The following ZDHHC2 variants were observed in gnomAD, a reference collection of about 807,000 sequenced individuals.
ZDHHC2 encodes the protein zDHHC palmitoyltransferase 2.
A neutral mutation model predicts 55.6 loss-of-function variants in ZDHHC2; 51 were observed. The observed-to-expected ratio is 0.92, with a 90% CI of 0.73 to 1.16. The LOEUF is 1.16. Ranked by LOEUF, ZDHHC2 falls within the 50% of genes most tolerant of loss-of-function variation. The pLI, the probability that ZDHHC2 is intolerant of heterozygous loss-of-function variation, is 0.00. For synonymous variants in ZDHHC2, 199 were observed against 152.9 expected (o/e 1.30, Z -2.22); for missense variants, 491 against 442.4 (o/e 1.11, Z -0.99).
At chr8:17,176,466 C>G (rs575952817) in intron 1 of ZDHHC2, among the ~76,000 whole-genome samples, 20 of 152,014 alleles carry the variant, frequency 1.3e-4, no homozygotes, top group African/African-American at 4.6e-4. Context: ...GATTTTTTCA[C>G]CGAGAATACA....
At position 17,188,786 on chromosome 8, in the gene ZDHHC2, G is replaced by C. The variant is rs1237590250; in HGVS notation, c.252+2361G>C. Among the ~76,000 whole-genome samples the C allele has an allele frequency of 3.9e-5, 6 of 152,206 alleles. No individual in the cohort carries two copies. The East Asian group carries it at 1.2e-3, about 29-fold the overall frequency. ...ATTTGACATCTAATAGAAATTTCAG[G>C]TTCAACACAACTGAAAACAAACTTC... On this transcript the variant is annotated intron_variant, in intron 3 of 12. Coordinates refer to ENST00000262096, the MANE Select transcript of ZDHHC2 (RefSeq NM_016353.5).
chr8:17,208,089 T>C lies in ZDHHC2; in HGVS notation c.727T>C (p.Leu243=), dbSNP rs577028555. 20 of 1,564,020 alleles carry C rather than the reference T, an allele frequency of 1.3e-5. No individual in the cohort carries two copies. The Admixed American group carries it at 1.9e-4, about 15-fold the overall frequency. The change falls in exon 8 of 13, where the codon TTA becomes CTA. Residue 243 remains leucine, a synonymous_variant. Transcript: ENST00000262096. ...CWLVSKNKST[L]EAFRSPVFRH... is the part of the protein sequence containing the mutation. Reference sequence around the variant, plus strand: ...GCTAGTCAGCAAAAATAAATCTACATTAGGTGAGTATCCAATTATTGTAGT... The same window carrying C: ...GCTAGTCAGCAAAAATAAATCTACACTAGGTGAGTATCCAATTATTGTAGT...
At chr8:17,202,954 A>C (rs573029383) in intron 6 of ZDHHC2, among the ~76,000 whole-genome samples, 10 of 152,140 alleles carry the variant, frequency 6.6e-5, no homozygotes, top group African/African-American at 9.7e-5. Context: ...TTATTATTTA[A>C]TTCAAGAGCT....
chr8:17,214,802 C>G lies in ZDHHC2; in HGVS notation c.951-435C>G, dbSNP rs146720477. Among the ~76,000 whole-genome samples, 257 of 152,092 alleles carry G rather than the reference C, an allele frequency of 1.7e-3. 1 individual carries two copies. The highest frequency in any genetic ancestry group is 5.8e-3 in the African/African-American group (241 of 41,496). On this transcript the variant is annotated intron_variant, in intron 10 of 12. Coordinates refer to ENST00000262096, the MANE Select transcript of ZDHHC2 (RefSeq NM_016353.5). ...GGTGTGGTCCCAGCTACTCGGGAGG[C>G]TGAAGGAGGAGGATTGATTTGAGCG...
Position 17,194,327 on chromosome 8 carries a change from A to AAAATATAT in ZDHHC2, c.253-1159_253-1152dup, listed in dbSNP as rs569357315. Among the ~76,000 whole-genome samples, 749 of 146,002 alleles carry AAAATATAT rather than the reference A, an allele frequency of 5.1e-3. 9 individuals are homozygous for AAAATATAT. The highest frequency in any genetic ancestry group is 0.017 in the African/African-American group (677 of 39,240). On this transcript the variant is annotated intron_variant, in intron 3 of 12. Transcript: ENST00000262096. Reference sequence around the variant, plus strand: ...TTTATACATATTTTTGTATATATACAAAATATATAAATATATAAATATATA... The same window carrying AAAATATAT: ...TTTATACATATTTTTGTATATATACAAAATATATAAATATATAAATATATAAATATATA...
Position 17,220,836 on chromosome 8 carries a change from C to T in ZDHHC2, c.*615C>T, listed in dbSNP as rs1563174916. 1 of 152,076 alleles carries T rather than the reference C, an allele frequency of 6.6e-6. No individual in the cohort carries two copies. Among genetic ancestry groups the T allele is most frequent in the Admixed American group, 6.6e-5 (1 of 15,238 alleles). 9.4% of individuals were successfully genotyped at this position (152,076 alleles called of 1,614,324 possible). On this transcript the variant is annotated 3_prime_UTR_variant, in exon 13 of 13. Transcript: ENST00000262096. Reference sequence around the variant, plus strand: ...CCATTTTTGCCTCACTTAATTCCAGCCTTTTGTTTTCTGCTGGAAAATAAG... The same window carrying T: ...CCATTTTTGCCTCACTTAATTCCAGTCTTTTGTTTTCTGCTGGAAAATAAG...
intron 1 of ZDHHC2, among the ~76,000 whole-genome samples, chr8:17,183,067 C>CTA (rs1358676614): frequency 6.6e-6 from 1 of 152,158 alleles, no homozygotes; most frequent in African/African-American, 2.4e-5. Flanking sequence ...CAGCCCCTAA[C>CTA]TATACCTTTT....
intron 10 of ZDHHC2, among the ~76,000 whole-genome samples, chr8:17,212,502 G>A (rs1319584630): frequency 6.6e-6 from 1 of 152,054 alleles, no homozygotes; most frequent in Non-Finnish European, 1.5e-5. Flanking sequence ...TACTCCATTT[G>A]CAAATCCTAT....
At chr8:17,162,439 G>A (rs1804393740) in intron 1 of ZDHHC2, among the ~76,000 whole-genome samples, 1 of 152,168 alleles carries the variant, frequency 6.6e-6, no homozygotes, top group South Asian at 2.1e-4. Context: ...CCATTAAATT[G>A]GTACTTGCAG....
chr8:17,185,899 C>G (rs1321935575), intron 2 of ZDHHC2, among the ~76,000 whole-genome samples: 1 of 152,210 alleles, frequency 6.6e-6, no homozygotes, highest in Non-Finnish European at 1.5e-5. Context: ...AGCAAATAAG[C>G]AAACAGCTTC....
At chr8:17,181,927 A>G (rs780304804) in intron 1 of ZDHHC2, among the ~76,000 whole-genome samples, 5 of 152,178 alleles carry the variant, frequency 3.3e-5, no homozygotes, top group Non-Finnish European at 7.4e-5. Context: ...GCATTTGACA[A>G]TAACTTTGTA....
Position 17,156,704 on chromosome 8 carries a change from C to T in ZDHHC2, c.-20C>T, listed in dbSNP as rs1267878596. 2.1e-6 allele frequency: 3 copies of T among 1,437,338 alleles called. No individual in the cohort carries two copies. The highest frequency in any genetic ancestry group is 1.3e-5 in the South Asian group (1 of 75,362). The allele number at this position is 1,437,338 out of a possible 1,614,324, so 89.0% of individuals were successfully genotyped here. A position where few individuals can be genotyped will look rare whatever the true frequency, so the allele number is the denominator to read the frequency against. ...GCCCGCGGGCGGCGGCGGAGCTGGG[C>T]AGGTGGATGCGGCTGGAAGATGGCG... On this transcript the variant is annotated 5_prime_UTR_variant, in exon 1 of 13. Transcript: ENST00000262096.
chr8:17,190,951 CTTTTTTTTTTTTTTT>C (rs10601402), intron 3 of ZDHHC2, among the ~76,000 whole-genome samples: 2 of 52,762 alleles, frequency 3.8e-5, no homozygotes, highest in Non-Finnish European at 6.8e-5. Flanking sequence ...CTTATTCATT[CTTTTTTTTTTTTTTT>C]TTTTTTTTTT....
At chr8:17,217,978 C>T (rs532056639) in intron 12 of ZDHHC2, among the ~76,000 whole-genome samples, 2 of 152,258 alleles carry the variant, frequency 1.3e-5, no homozygotes, top group South Asian at 4.1e-4. Context: ...ATCTAGAATC[C>T]TAAAGTCTAT....
chr8:17,221,187 A>G lies in ZDHHC2; in HGVS notation c.*966A>G, dbSNP rs1452774547. 1.3e-5 allele frequency: 2 copies of G among 152,552 alleles called. No homozygotes were observed. Among genetic ancestry groups the G allele is most frequent in the East Asian group, 1.9e-4 (1 of 5,192 alleles). 9.4% of individuals were successfully genotyped at this position (152,552 alleles called of 1,614,324 possible). A position where few individuals can be genotyped will look rare whatever the true frequency, so the allele number is the denominator to read the frequency against. Reference sequence around the variant, plus strand: ...TCATCAAAATGATGACAGGTAAACTATATTTTTCCTTAAACACCTATTACA... The same window carrying G: ...TCATCAAAATGATGACAGGTAAACTGTATTTTTCCTTAAACACCTATTACA... On this transcript the variant is annotated 3_prime_UTR_variant, in exon 13 of 13. Transcript: ENST00000262096.
intron 1 of ZDHHC2, among the ~76,000 whole-genome samples, chr8:17,172,475 A>G (rs1297573820): frequency 6.6e-6 from 1 of 152,190 alleles, no homozygotes; most frequent in African/African-American, 2.4e-5. Context: ...ACAAAGTTTC[A>G]GGTACGTTAG....
intron 1 of ZDHHC2, among the ~76,000 whole-genome samples, chr8:17,177,238 A>T (rs1248333102): frequency 6.6e-6 from 1 of 152,168 alleles, no homozygotes; most frequent in African/African-American, 2.4e-5. Flanking sequence ...GACACGGGTG[A>T]TTGCAGTGGA....
chr8:17,218,963 C>G (rs1807777684), intron 12 of ZDHHC2, among the ~76,000 whole-genome samples: 1 of 152,030 alleles, frequency 6.6e-6, no homozygotes, highest in South Asian at 2.1e-4. Flanking sequence ...TAAATATCTT[C>G]ATATTGGCCG....
At chr8:17,218,704 T>A (rs1807763245) in intron 12 of ZDHHC2, among the ~76,000 whole-genome samples, 1 of 152,162 alleles carries the variant, frequency 6.6e-6, no homozygotes, top group Non-Finnish European at 1.5e-5. Context: ...TTAGGCATAA[T>A]CACAAAATGG....
Sources: gnomAD v4.1 joint callset for allele counts (sites outside exome capture counted in the v4.1 genomes callset) on GRCh38, gnomAD v4.1.1 for gene constraint, MANE v1.5 for transcripts, NCBI Gene and HGNC (gene_info 2026-07-23, HGNC 2026-07-21) for gene names.